RASGEF1C: variants seen among roughly 807,000 people sequenced by gnomAD.
RASGEF1C encodes the protein RasGEF domain family member 1C, also known as ras-GEF domain-containing family member 1C.
RASGEF1C carries 27 observed loss-of-function variants against 58.1 expected under a neutral mutation model. The ratio of observed to expected loss-of-function variants is 0.46; its 90% CI spans 0.34 to 0.64. RASGEF1C has a LOEUF of 0.64. Ranked by LOEUF, RASGEF1C falls within the 30% of genes least tolerant of loss-of-function variation. RASGEF1C has a pLI of 0.01. For missense variants in RASGEF1C, 502 were observed against 605.1 expected, an observed-to-expected ratio of 0.83 and a Z score of 1.79; for synonymous variants, 243 against 246.3, an observed-to-expected ratio of 0.99 and a Z score of 0.13.
intron 1 of RASGEF1C, among the ~76,000 whole-genome samples, chr5:180,172,780 C>T (rs1767132807): frequency 2.0e-5 from 3 of 152,078 alleles, no homozygotes; most frequent in African/African-American, 7.2e-5. Context: ...ATCTCTGTGC[C>T]CCCTGCCTCC....
Position 180,119,398 on chromosome 5 carries a change from C to T in RASGEF1C, c.855G>A (p.Val285=), listed in dbSNP as rs935983319. The T allele has an allele frequency of 6.2e-7, 1 of 1,614,192 alleles. No homozygotes were observed. Among genetic ancestry groups the T allele is most frequent in the Non-Finnish European group, 8.5e-7 (1 of 1,180,000 alleles). ...TGCCGATGTTGAAGCACTCGCGGGC[C>T]ACGTCGATGAAGAACTCAATCACCT... The part of the protein sequence containing the change: ...RAQVIEFFID[V]ARECFNIGNF... The change falls in exon 8 of 14, where the codon GTG becomes GTA. Residue 285 remains valine, a synonymous_variant. Coordinates refer to ENST00000361132, the MANE Select transcript of RASGEF1C (RefSeq NM_175062.4).
chr5:180,148,450 T>C (rs1766692683), intron 1 of RASGEF1C, among the ~76,000 whole-genome samples: 1 of 152,162 alleles, frequency 6.6e-6, no homozygotes, highest in Admixed American at 6.5e-5. Context: ...TGTGTTCTTT[T>C]TTTGTGGTGA....
chr5:180,198,630 G>A lies in RASGEF1C; in HGVS notation c.-7+10398C>T, dbSNP rs1562083. Among the ~76,000 whole-genome samples the A allele has an allele frequency of 0.4, 61,006 of 152,002 alleles. 12,439 individuals are homozygous for A. Among genetic ancestry groups the A allele is most frequent in the East Asian group, 0.45 (2,331 of 5,152 alleles). The stretch of plus-strand genomic sequence containing the variant: ...TTTCTTTTATAGGGGAACGAATTCC[G>A]TTTTTTAGGGTACTACCCATGAAAG... On this transcript the variant is annotated intron_variant, in intron 1 of 13. Transcript: ENST00000361132. This position sits in a 1 kb window ranked among gnomAD's most constrained non-coding sequence, Gnocchi z 4.5.
At chr5:180,134,537 C>T (rs1766432536) in intron 4 of RASGEF1C, among the ~76,000 whole-genome samples, 1 of 151,306 alleles carries the variant, frequency 6.6e-6, no homozygotes, top group African/African-American at 2.4e-5. Flanking sequence ...CCACCCAGCA[C>T]CCACCATCCC....
At chr5:180,186,101 GAAAAAA>G (rs35778456) in intron 1 of RASGEF1C, among the ~76,000 whole-genome samples, 1 of 81,172 alleles carries the variant, frequency 1.2e-5, no homozygotes. Flanking sequence ...TATCTCCACA[GAAAAAA>G]AAAAAAAAAA....
chr5:180,131,283 G>A (rs1184312569), intron 4 of RASGEF1C, among the ~76,000 whole-genome samples: 1 of 152,150 alleles, frequency 6.6e-6, no homozygotes, highest in East Asian at 1.9e-4. Context: ...GCCAGGCTTG[G>A]TGGCCTCTAT....
intron 4 of RASGEF1C, among the ~76,000 whole-genome samples, chr5:180,131,771 C>T (rs1766373978): frequency 6.6e-6 from 1 of 152,218 alleles, no homozygotes; most frequent in Admixed American, 6.5e-5. Flanking sequence ...TCTGTGCCTA[C>T]CCCTTGATAG....
At chr5:180,159,386 T>C (rs938458450) in intron 1 of RASGEF1C, among the ~76,000 whole-genome samples, 1 of 152,194 alleles carries the variant, frequency 6.6e-6, no homozygotes, top group Non-Finnish European at 1.5e-5. Flanking sequence ...GCAATCTACC[T>C]GTTTCAGCCT....
Position 180,190,512 on chromosome 5 carries a change from T to TA in RASGEF1C, c.-7+18515dup, listed in dbSNP as rs1561756853. On this transcript the variant is annotated intron_variant, in intron 1 of 13. Coordinates refer to ENST00000361132, the MANE Select transcript of RASGEF1C (RefSeq NM_175062.4). Reference sequence around the variant, plus strand: ...CTCAAAAAAAAAAAAAAAAAAATAATAATAATAATAATAATAATTAGCCAG... The same window carrying TA: ...CTCAAAAAAAAAAAAAAAAAAATAATAAATAATAATAATAATAATTAGCCAG... Among the ~76,000 whole-genome samples the TA allele has an allele frequency of 2.2e-3, 225 of 102,734 alleles. 9 individuals carry two copies. Among genetic ancestry groups the TA allele is most frequent in the South Asian group, 3.9e-3 (11 of 2,854 alleles). The allele number at this position is 102,734 out of a possible 152,430, so 67.4% of individuals were successfully genotyped here.
intron 1 of RASGEF1C, among the ~76,000 whole-genome samples, chr5:180,173,991 G>A (rs972260772): frequency 6.6e-6 from 1 of 151,828 alleles, no homozygotes; most frequent in South Asian, 2.1e-4. Context: ...CAGGGGTTGG[G>A]GGGCCCAGAC....
At chr5:180,205,949 G>C (rs954367338) in intron 1 of RASGEF1C, among the ~76,000 whole-genome samples, 30 of 152,064 alleles carry the variant, frequency 2.0e-4, no homozygotes, top group African/African-American at 7.0e-4. Context: ...TGGCCAGGCT[G>C]GTTTCAAACT....
chr5:180,195,701 G>A (rs890556684), intron 1 of RASGEF1C, among the ~76,000 whole-genome samples: 3 of 151,886 alleles, frequency 2.0e-5, no homozygotes, highest in Admixed American at 2.0e-4. Context: ...GGCGGAGCTT[G>A]CAGTGAGCCG....
intron 5 of RASGEF1C, 51 bp from the exon 6 acceptor site, chr5:180,127,734 G>T (rs368081869): frequency 1.3e-6 from 2 of 1,562,378 alleles, no homozygotes; most frequent in African/African-American, 2.7e-5. Context: ...TGGGGAGGGG[G>T]TGTCCACTGG....
intron 1 of RASGEF1C, among the ~76,000 whole-genome samples, chr5:180,159,286 T>C (rs1004449391): frequency 9.9e-5 from 15 of 152,040 alleles, no homozygotes; most frequent in Admixed American, 3.9e-4. Context: ...AGTACAGGCG[T>C]GCACCACCAC....
chr5:180,174,498 GTC>G (rs1445584954), intron 1 of RASGEF1C, among the ~76,000 whole-genome samples: 4 of 148,512 alleles, frequency 2.7e-5, no homozygotes, highest in Admixed American at 6.7e-5. Flanking sequence ...GCGCGTGTGT[GTC>G]TGTGTGTGCG....
chr5:180,202,063 G>A (rs947933962), intron 1 of RASGEF1C, among the ~76,000 whole-genome samples: 4 of 152,114 alleles, frequency 2.6e-5, no homozygotes, highest in Middle Eastern at 6.8e-3. Context: ...CCAAAAAAAG[G>A]TAAATGTGAA....
intron 1 of RASGEF1C, among the ~76,000 whole-genome samples, chr5:180,203,968 G>A (rs1258031364): frequency 6.6e-6 from 1 of 150,810 alleles, no homozygotes; most frequent in African/African-American, 2.4e-5. Flanking sequence ...ACTCTAGCCT[G>A]GGCGACAGAG....
intron 4 of RASGEF1C, among the ~76,000 whole-genome samples, chr5:180,134,057 C>T (rs1408793733): frequency 6.6e-6 from 1 of 152,180 alleles, no homozygotes; most frequent in Non-Finnish European, 1.5e-5. Context: ...TGGGTGGGCT[C>T]AAGCTGGGTC....
chr5:180,175,762 G>T (rs1330260277), intron 1 of RASGEF1C, among the ~76,000 whole-genome samples: 1 of 152,228 alleles, frequency 6.6e-6, no homozygotes, highest in African/African-American at 2.4e-5. Flanking sequence ...CACTCTGGGA[G>T]GCTGAGGCAG....
Sources: allele counts gnomAD v4.1 joint callset (sites outside exome capture counted in the v4.1 genomes callset), GRCh38; gene constraint gnomAD v4.1.1; non-coding constraint Gnocchi (gnomAD v3.1); transcripts MANE v1.5; gene names NCBI Gene and HGNC (gene_info 2026-07-23, HGNC 2026-07-21).